Variants in FGF14 observed in about 807,000 individuals in gnomAD.
FGF14 encodes the protein fibroblast growth factor homologous factor 4.
A neutral mutation model predicts 25.5 loss-of-function variants in FGF14; 5 were observed. The observed-to-expected ratio is 0.20, with a 90% CI of 0.10 to 0.41. FGF14 has a LOEUF of 0.41. FGF14 is among the 10% of genes least tolerant of loss of function. The pLI, the probability that FGF14 is intolerant of heterozygous loss-of-function variation, is 1.00. For missense variants in FGF14, 222 were observed against 320.1 expected (o/e 0.69, Z 2.34); for synonymous variants, 138 against 118.3 (o/e 1.17, Z -1.08).
At chr13:101,984,341 C>A (rs1412511750) in intron 1 of FGF14, among the ~76,000 whole-genome samples, 2 of 152,052 alleles carry the variant, frequency 1.3e-5, no homozygotes, top group Non-Finnish European at 2.9e-5. Context: ...TTTATTAATT[C>A]AACCATCAAT....
rs555909378 is a variant in FGF14 at position 102,173,283 on chromosome 13, T to C, written c.208+228188A>G. 2.6e-5 allele frequency among the ~76,000 whole-genome samples: 4 copies of C among 152,176 alleles called. No homozygotes were observed. The South Asian group carries it at 8.3e-4, about 32-fold the overall frequency. ...ATGCAAATCAAAAGTAATGAGGAGA[T>C]ATCACCATGCACCTGTTAAGATGAC... On this transcript the variant is annotated intron_variant, in intron 1 of 4. Transcript: ENST00000376131.
intron 1 of FGF14, among the ~76,000 whole-genome samples, chr13:102,380,107 T>C (rs1240396835): frequency 6.6e-6 from 1 of 151,808 alleles, no homozygotes; most frequent in Non-Finnish European, 1.5e-5. Context: ...GCTGAAATCT[T>C]AAATGCAAGA....
At chr13:102,066,939 G>A (rs572412509) in intron 1 of FGF14, among the ~76,000 whole-genome samples, 134 of 152,242 alleles carry the variant, frequency 8.8e-4, no homozygotes, top group Middle Eastern at 6.8e-3. Flanking sequence ...ACAGTTCTCC[G>A]TGGCTTACAG....
At chr13:102,054,773 C>G (rs990757843) in intron 1 of FGF14, among the ~76,000 whole-genome samples, 1 of 152,204 alleles carries the variant, frequency 6.6e-6, no homozygotes, top group African/African-American at 2.4e-5. Flanking sequence ...CCTCCCACCA[C>G]AGAGCAAGGT....
At chr13:102,320,764 G>A (rs539237010) in intron 1 of FGF14, among the ~76,000 whole-genome samples, 194 of 152,296 alleles carry the variant, frequency 1.3e-3, no homozygotes, top group Non-Finnish European at 2.4e-3. Flanking sequence ...GGCTAAAGAT[G>A]TGCATGTTAT....
chr13:102,292,885 C>T (rs139816508), intron 1 of FGF14: 2 of 152,310 alleles, frequency 1.3e-5, no homozygotes, highest in African/African-American at 2.4e-5. Context: ...CTCTATTAGC[C>T]TGAAGTCACA....
intron 1 of FGF14, among the ~76,000 whole-genome samples, chr13:102,333,481 T>C (rs907902031): frequency 5.1e-4 from 77 of 152,196 alleles, no homozygotes; most frequent in African/African-American, 1.7e-3. Context: ...TCCCCTGCTA[T>C]ACCGTTTCCT....
At chr13:101,998,763 T>C (rs2039322985) in intron 1 of FGF14, among the ~76,000 whole-genome samples, 1 of 152,194 alleles carries the variant, frequency 6.6e-6, no homozygotes, top group Admixed American at 6.5e-5. Flanking sequence ...GGCCAAAATG[T>C]AGTTTGCATG....
At chr13:102,125,957 G>A (rs187135114) in intron 1 of FGF14, among the ~76,000 whole-genome samples, 2 of 152,172 alleles carry the variant, frequency 1.3e-5, no homozygotes, top group East Asian at 3.9e-4. Context: ...AAGCTTGCAT[G>A]GAGATTGGAT....
chr13:102,348,576 C>T (rs1276619606), intron 1 of FGF14, among the ~76,000 whole-genome samples: 2 of 152,156 alleles, frequency 1.3e-5, no homozygotes, highest in Admixed American at 6.5e-5. Flanking sequence ...CAAAGATAAT[C>T]GAGAAAAGTC....
intron 1 of FGF14, among the ~76,000 whole-genome samples, chr13:101,904,163 G>A (rs1201014470): frequency 6.6e-6 from 1 of 152,178 alleles, no homozygotes; most frequent in African/African-American, 2.4e-5. Context: ...TAACAGACCT[G>A]CCCAAGTTTT....
chr13:102,028,930 T>C (rs7990275), intron 1 of FGF14, among the ~76,000 whole-genome samples: 43,742 of 151,960 alleles, frequency 0.29, 7,181 homozygotes, highest in East Asian at 0.73. Context: ...CCTTAGAATG[T>C]GCCTTTTCTC....
At chr13:102,299,761 A>C (rs2054929552) in intron 1 of FGF14, 1 of 152,166 alleles carries the variant, frequency 6.6e-6, no homozygotes, top group Non-Finnish European at 1.5e-5. Flanking sequence ...CTAAAAGCAC[A>C]ATATGAGGAA....
At chr13:102,154,311 G>T (rs9554845) in intron 1 of FGF14, among the ~76,000 whole-genome samples, 45,673 of 149,820 alleles carry the variant, frequency 0.3, 7,616 homozygotes, top group African/African-American at 0.45. Flanking sequence ...GACTAACAGC[G>T]GATCTCTCGG....
chr13:101,975,727 T>C (rs2037882078), intron 1 of FGF14, among the ~76,000 whole-genome samples: 1 of 152,228 alleles, frequency 6.6e-6, no homozygotes. Flanking sequence ...ACAGCAAAGA[T>C]GCTGAGATTC....
At chr13:101,835,684 G>T (rs1168850439) in intron 3 of FGF14, among the ~76,000 whole-genome samples, 4 of 152,018 alleles carry the variant, frequency 2.6e-5, no homozygotes, top group Non-Finnish European at 5.9e-5. Flanking sequence ...AATAAGCTCT[G>T]TGAGTAAAGT....
intron 1 of FGF14, among the ~76,000 whole-genome samples, chr13:102,033,714 A>G (rs1075954): frequency 0.03 from 4,504 of 152,238 alleles, 234 homozygotes; most frequent in African/African-American, 0.1. Context: ...TGCAATGTCT[A>G]TTCAGCAAGA....
In FGF14 at chr13:101,916,468, T is replaced by G. The variant is rs368619012; in HGVS notation, c.178A>C (p.Arg60=). The G allele has an allele frequency of 1.2e-6, 2 of 1,613,908 alleles. No homozygotes were observed. The highest frequency in any genetic ancestry group is 1.7e-6 in the Non-Finnish European group (2 of 1,179,914). ...KVRIFGLKKR[R]LRRQDPQLKG... is the part of the protein sequence containing the mutation. Reference sequence around the variant, plus strand: ...CCCCACAGACCTTGGCGCCGCAACCTGCGCTTCTTGAGGCCGAAGATGCGC... The same window carrying G: ...CCCCACAGACCTTGGCGCCGCAACCGGCGCTTCTTGAGGCCGAAGATGCGC... The change falls in exon 1 of 5, where the codon AGG becomes CGG. Residue 60 remains arginine, a synonymous_variant. Coordinates refer to ENST00000376143, the MANE Select transcript of FGF14 (RefSeq NM_004115.4).
chr13:101,841,321 G>A (rs1366716834), intron 3 of FGF14, among the ~76,000 whole-genome samples: 1 of 151,830 alleles, frequency 6.6e-6, no homozygotes. Flanking sequence ...GCCACCGATT[G>A]AACTGAAAAA....
Sources: gnomAD v4.1 joint callset for allele counts (sites outside exome capture counted in the v4.1 genomes callset) on GRCh38, gnomAD v4.1.1 for gene constraint, MANE v1.5 for transcripts, NCBI Gene and HGNC (gene_info 2026-07-23, HGNC 2026-07-21) for gene names.